Variants in NRXN1 observed in about 807,000 individuals in gnomAD.
The protein encoded by NRXN1 is neurexin-1.
A neutral mutation model predicts 150.9 loss-of-function variants in NRXN1; 39 were observed. The observed-to-expected ratio is 0.26, with a 90% CI of 0.20 to 0.34. The LOEUF is 0.34. NRXN1 is among the 10% of genes least tolerant of loss of function. NRXN1 has a pLI of 1.00. For missense variants in NRXN1, 1,815 were observed against 1,949.9 expected, an observed-to-expected ratio of 0.93 and a Z score of 1.30; for synonymous variants, 924 against 757.0, an observed-to-expected ratio of 1.22 and a Z score of -3.62.
intron 18 of NRXN1, among the ~76,000 whole-genome samples, chr2:50,225,793 C>G (rs915783386): frequency 9.2e-5 from 14 of 151,956 alleles, no homozygotes; most frequent in African/African-American, 3.4e-4. Context: ...ATGCCCCAAA[C>G]TTACAAATCA....
intron 2 of NRXN1, among the ~76,000 whole-genome samples, chr2:50,944,312 G>A (rs941653948): frequency 6.6e-6 from 1 of 152,106 alleles, no homozygotes; most frequent in African/African-American, 2.4e-5. Flanking sequence ...CAGCTAAGCA[G>A]GAAACTCGGG....
At chr2:50,857,223 G>A (rs940587464) in intron 5 of NRXN1, among the ~76,000 whole-genome samples, 11 of 152,136 alleles carry the variant, frequency 7.2e-5, no homozygotes, top group African/African-American at 2.6e-4. Context: ...TATTAAGAAA[G>A]GAGAGAAGAG....
At chr2:50,985,629 A>G (rs1027140612) in intron 2 of NRXN1, among the ~76,000 whole-genome samples, 43 of 151,818 alleles carry the variant, frequency 2.8e-4, no homozygotes, top group African/African-American at 9.4e-4. Flanking sequence ...CCAAGGAAGA[A>G]GATAATGGAG....
intron 5 of NRXN1, among the ~76,000 whole-genome samples, chr2:50,640,185 A>T (rs1573925356): frequency 6.6e-6 from 1 of 152,128 alleles, no homozygotes; most frequent in African/African-American, 2.4e-5. Flanking sequence ...TCTTTTAATT[A>T]TCACCATAAG....
intron 18 of NRXN1, among the ~76,000 whole-genome samples, chr2:50,118,043 T>C (rs559998533): frequency 2.0e-5 from 3 of 152,308 alleles, no homozygotes; most frequent in Admixed American, 1.3e-4. Context: ...CTCTTCAAGA[T>C]GAATGTGATT....
At chr2:51,026,349 C>G in intron 2 of NRXN1, 1 of 1,509,246 alleles carries the variant, frequency 6.6e-7, no homozygotes, top group African/African-American at 1.4e-5. Context: ...ACTGATTCGT[C>G]TTTTTCACAC....
rs1199844494 is a variant in NRXN1, at chr2:50,424,295, A to AAGG, written c.3364+41144_3364+41146dup. ...GGGGAAGGGGAGGGGGAGGAAGAAG[A>AAGG]AGGAGGAGGAGGAGGGGGAGGAGGA... is the stretch of plus-strand genomic sequence containing the variant. On this transcript the variant is annotated intron_variant, in intron 17 of 22. Transcript: ENST00000401669. 3.5e-4 allele frequency among the ~76,000 whole-genome samples: 25 copies of AAGG among 71,916 alleles called. No individual in the cohort carries two copies. The Admixed American group carries it at 3.9e-3, about 11-fold the overall frequency. The allele number at this position is 71,916 out of a possible 152,430, so 47.2% of individuals were successfully genotyped here. A position where few individuals can be genotyped will look rare whatever the true frequency, so the allele number is the denominator to read the frequency against.
intron 15 of NRXN1, among the ~76,000 whole-genome samples, chr2:50,486,206 A>G (rs1410004183): frequency 6.6e-6 from 1 of 152,154 alleles, no homozygotes; most frequent in East Asian, 1.9e-4. Context: ...TTCACACATA[A>G]GCCCTTAACA....
At chr2:50,134,367 G>T (rs958076887) in intron 18 of NRXN1, among the ~76,000 whole-genome samples, 53 of 151,284 alleles carry the variant, frequency 3.5e-4, no homozygotes, top group Non-Finnish European at 2.5e-4. Context: ...AGGATATTCT[G>T]CAGAACCTAT....
chr2:50,313,133 A>C (rs1387470851), intron 17 of NRXN1, among the ~76,000 whole-genome samples: 3 of 152,232 alleles, frequency 2.0e-5, no homozygotes, highest in African/African-American at 7.2e-5. Context: ...GATGAAGTCG[A>C]CTTTGAATAG....
chr2:50,379,966 C>G (rs563590272), intron 17 of NRXN1, among the ~76,000 whole-genome samples: 2 of 152,096 alleles, frequency 1.3e-5, no homozygotes, highest in South Asian at 4.2e-4. Flanking sequence ...CAATCCTGAT[C>G]ACAGATTTAT....
At chr2:50,593,593 G>A (rs903109066) in intron 8 of NRXN1, among the ~76,000 whole-genome samples, 10 of 152,182 alleles carry the variant, frequency 6.6e-5, no homozygotes, top group African/African-American at 2.4e-4. Flanking sequence ...GGTTCTATCT[G>A]ATCCCTGCAG....
chr2:50,239,162 A>C (rs1245199943), intron 17 of NRXN1, among the ~76,000 whole-genome samples: 2 of 151,954 alleles, frequency 1.3e-5, no homozygotes, highest in East Asian at 3.9e-4. Context: ...ATTTTTGCAA[A>C]TGATTAAGTA....
At position 49,957,066 on chromosome 2, in the gene NRXN1, A is replaced by G. The variant is rs1018424767; in HGVS notation, c.4129-13275T>C. Among the ~76,000 whole-genome samples, 8 of 152,200 alleles carry G rather than the reference A, an allele frequency of 5.3e-5. No individual in the cohort carries two copies. In the East Asian group the frequency reaches 1.4e-3, roughly 26 times the overall value. On this transcript the variant is annotated intron_variant, in intron 21 of 22. Coordinates refer to ENST00000401669, the MANE Select transcript of NRXN1 (RefSeq NM_001330078.2). ...CTTTGAATTGTGAAATTGAACTTCA[A>G]TGTGTAACAAATGCAGGCCTTCTAT...
chr2:50,202,257 G>A (rs548405106), intron 18 of NRXN1, among the ~76,000 whole-genome samples: 9 of 152,072 alleles, frequency 5.9e-5, no homozygotes, highest in Non-Finnish European at 1.2e-4. Context: ...CTGTAATCCC[G>A]CCACTTTTGG....
chr2:50,731,513 G>C (rs1455575813), intron 5 of NRXN1, among the ~76,000 whole-genome samples: 1 of 152,148 alleles, frequency 6.6e-6, no homozygotes, highest in African/African-American at 2.4e-5. Context: ...GAGAGGTTGA[G>C]TTACCTTATT....
intron 21 of NRXN1, among the ~76,000 whole-genome samples, chr2:50,004,699 A>G (rs1377423813): frequency 6.6e-6 from 1 of 152,136 alleles, no homozygotes; most frequent in African/African-American, 2.4e-5. Context: ...AATACACACT[A>G]GTTGTGGTAA....
At chr2:50,832,393 T>C (rs971963213) in intron 5 of NRXN1, among the ~76,000 whole-genome samples, 9 of 152,158 alleles carry the variant, frequency 5.9e-5, no homozygotes, top group African/African-American at 2.2e-4. Flanking sequence ...GGCTCACACC[T>C]GTAATCCTAG....
chr2:50,273,028 A>C (rs897834474), intron 17 of NRXN1, among the ~76,000 whole-genome samples: 1 of 152,162 alleles, frequency 6.6e-6, no homozygotes, highest in African/African-American at 2.4e-5. Context: ...AAAACACATA[A>C]AAATTTTAAA....
Sources: gnomAD v4.1 joint callset for allele counts (sites outside exome capture counted in the v4.1 genomes callset) on GRCh38, gnomAD v4.1.1 for gene constraint, MANE v1.5 for transcripts, NCBI Gene and HGNC (gene_info 2026-07-23, HGNC 2026-07-21) for gene names.